CTNNA3: variants seen among roughly 807,000 people sequenced by gnomAD.
CTNNA3 encodes catenin alpha 3.
Under a neutral mutation model 95.7 loss-of-function variants are expected in CTNNA3, and 76 were observed. The observed-to-expected ratio is 0.79, with a 90% CI of 0.66 to 0.96. The LOEUF is 0.96. Among genes scored for constraint, CTNNA3 ranks in the 40% least tolerant of loss-of-function variants. The pLI is 0.00. For missense variants in CTNNA3, 1,191 were observed against 1,089.8 expected (o/e 1.09, Z -1.31); for synonymous variants, 431 against 374.4 (o/e 1.15, Z -1.74).
intron 7 of CTNNA3, among the ~76,000 whole-genome samples, chr10:67,110,304 T>G (rs1858856126): frequency 6.6e-6 from 1 of 152,224 alleles, no homozygotes; most frequent in South Asian, 2.1e-4. Context: ...GTTTCACAAT[T>G]GTTCTGTATT....
intron 11 of CTNNA3, among the ~76,000 whole-genome samples, chr10:66,511,482 T>A (rs7090175): frequency 0.1 from 15,765 of 151,418 alleles, 1,423 homozygotes; most frequent in East Asian, 0.31. Context: ...CTTTTTTTTT[T>A]TATATAGGTG....
chr10:66,638,974 A>G (rs575990536), intron 9 of CTNNA3, among the ~76,000 whole-genome samples: 2 of 152,094 alleles, frequency 1.3e-5, no homozygotes, highest in East Asian at 1.9e-4. Context: ...CTTTAAACAT[A>G]TATTTATGTG....
intron 5 of CTNNA3, among the ~76,000 whole-genome samples, chr10:67,497,366 T>C (rs1839060529): frequency 6.6e-6 from 1 of 152,210 alleles, no homozygotes; most frequent in Admixed American, 6.5e-5. Context: ...CAGTCTTTGC[T>C]ATTGTGAACA....
At chr10:65,998,054 T>A (rs1207941132) in intron 15 of CTNNA3, among the ~76,000 whole-genome samples, 3 of 152,162 alleles carry the variant, frequency 2.0e-5, no homozygotes, top group African/African-American at 4.8e-5. Context: ...TAGTTGAGTA[T>A]AATATAAAGC....
chr10:67,734,049 A>G (rs1841289924), intron 1 of CTNNA3, among the ~76,000 whole-genome samples: 1 of 152,112 alleles, frequency 6.6e-6, no homozygotes, highest in African/African-American at 2.4e-5. Context: ...ATCTAGCCTA[A>G]ATTTTTATAG....
rs140906445 is a variant in CTNNA3, at chr10:66,385,969, A to G, written c.1532-6617T>C. 5.9e-3 allele frequency among the ~76,000 whole-genome samples: 906 copies of G among 152,294 alleles called. 7 individuals are homozygous for G. The highest frequency in any genetic ancestry group is 0.02 in the African/African-American group (816 of 41,552). The stretch of plus-strand genomic sequence containing the variant: ...CAATAATAAGAGCTATTTATGACAA[A>G]CCCACAGCCCCCAATATCATACTGA... On this transcript the variant is annotated intron_variant, in intron 11 of 17. Transcript: ENST00000433211.
rs540654065 is a variant in CTNNA3 at position 66,545,322 on chromosome 10, C to T, written c.1375-24549G>A. Reference sequence around the variant, plus strand: ...TTCTTTCTGAAATTTACAAAAACAGCAGCTTTATTTCTTGCTTATTTTAGT... The same window carrying T: ...TTCTTTCTGAAATTTACAAAAACAGTAGCTTTATTTCTTGCTTATTTTAGT... On this transcript the variant is annotated intron_variant, in intron 10 of 17. Transcript: ENST00000433211. Among the ~76,000 whole-genome samples the T allele has an allele frequency of 4.6e-5, 7 of 152,092 alleles. 1 individual carries two copies. Among genetic ancestry groups the T allele is most frequent in the Admixed American group, 1.3e-4 (2 of 15,274 alleles).
intron 9 of CTNNA3, among the ~76,000 whole-genome samples, chr10:66,708,012 T>A (rs1444537543): frequency 6.6e-6 from 1 of 152,120 alleles, no homozygotes; most frequent in Non-Finnish European, 1.5e-5. Context: ...AGTCACTCAA[T>A]CTAGGGTCTT....
At chr10:67,294,377 A>T (rs1326348004) in intron 5 of CTNNA3, among the ~76,000 whole-genome samples, 1 of 152,184 alleles carries the variant, frequency 6.6e-6, no homozygotes, top group Non-Finnish European at 1.5e-5. Flanking sequence ...AGAATTTCAA[A>T]CTTAAAATGT....
chr10:66,192,169 C>A (rs533095361), intron 13 of CTNNA3, among the ~76,000 whole-genome samples: 1 of 152,214 alleles, frequency 6.6e-6, no homozygotes, highest in South Asian at 2.1e-4. Context: ...ACAGTAAAAA[C>A]CCCAGAGTGG....
chr10:66,348,445 A>G (rs1272945948), intron 12 of CTNNA3, among the ~76,000 whole-genome samples: 2 of 152,076 alleles, frequency 1.3e-5, no homozygotes, highest in East Asian at 3.9e-4. Context: ...TGTGGGATTG[A>G]GTGTGATAAT....
intron 5 of CTNNA3, among the ~76,000 whole-genome samples, chr10:67,291,664 A>G (rs1423151734): frequency 6.6e-6 from 1 of 152,188 alleles, no homozygotes; most frequent in African/African-American, 2.4e-5. Flanking sequence ...CATCTACCAT[A>G]AATACCTAGA....
intron 7 of CTNNA3, among the ~76,000 whole-genome samples, chr10:67,029,474 T>C (rs1289705851): frequency 1.3e-5 from 2 of 152,152 alleles, no homozygotes; most frequent in African/African-American, 4.8e-5. Flanking sequence ...AGGAAAAGCA[T>C]GATAACCGGT....
At position 65,953,747 on chromosome 10, in the gene CTNNA3, G is replaced by C. The variant is rs1263992890; in HGVS notation, c.2400+12865C>G. The stretch of plus-strand genomic sequence containing the variant: ...TTTTTATGGCTGCATAGTATTCCAT[G>C]GTGTATATGTGCCACATTTTCTTAA... On this transcript the variant is annotated intron_variant, in intron 17 of 17. Coordinates refer to ENST00000433211, the MANE Select transcript of CTNNA3 (RefSeq NM_013266.4). Among the ~76,000 whole-genome samples, 3 of 152,134 alleles carry C rather than the reference G, an allele frequency of 2.0e-5. No individual in the cohort carries two copies. In the South Asian group the frequency reaches 6.2e-4, roughly 32 times the overall value.
chr10:66,351,232 T>C (rs545224814), intron 12 of CTNNA3, among the ~76,000 whole-genome samples: 169 of 152,134 alleles, frequency 1.1e-3, no homozygotes, highest in African/African-American at 4.0e-3. Context: ...AATTACTGTG[T>C]ATGGAGAATG....
At chr10:66,910,441 C>A (rs9332406) in intron 7 of CTNNA3, among the ~76,000 whole-genome samples, 47,122 of 152,146 alleles carry the variant, frequency 0.31, 8,610 homozygotes, top group East Asian at 0.47. Context: ...CTGCTGGAAA[C>A]TTAGGGTGAT....
intron 3 of CTNNA3, among the ~76,000 whole-genome samples, chr10:67,592,251 T>C (rs1333448201): frequency 6.6e-6 from 1 of 152,176 alleles, no homozygotes; most frequent in Non-Finnish European, 1.5e-5. Context: ...AATAAAATTT[T>C]ACTTTGTCTT....
At chr10:66,151,767 A>C (rs545052344) in intron 13 of CTNNA3, among the ~76,000 whole-genome samples, 24 of 152,106 alleles carry the variant, frequency 1.6e-4, no homozygotes, top group Non-Finnish European at 3.1e-4. Context: ...AGTTTGAGTT[A>C]AGCTACACCA....
intron 12 of CTNNA3, among the ~76,000 whole-genome samples, chr10:66,342,390 T>A (rs1333548197): frequency 6.6e-6 from 1 of 152,054 alleles, no homozygotes; most frequent in Non-Finnish European, 1.5e-5. Context: ...GAAAACTGTG[T>A]GTATTTATAA....
Sources: allele counts gnomAD v4.1 joint callset (sites outside exome capture counted in the v4.1 genomes callset), GRCh38; gene constraint gnomAD v4.1.1; transcripts MANE v1.5; gene names NCBI Gene and HGNC (gene_info 2026-07-23, HGNC 2026-07-21).